Variants in KMO observed in about 807,000 individuals in gnomAD.
KMO encodes kynurenine 3-hydroxylase.
In KMO, 24 loss-of-function variants were observed where a neutral mutation model predicts 57.8. The ratio of observed to expected loss-of-function variants is 0.42; its 90% CI spans 0.30 to 0.58. KMO has a LOEUF of 0.58. Among genes scored for constraint, KMO ranks in the 20% least tolerant of loss-of-function variants. The probability of loss-of-function intolerance (pLI) is 0.22; values close to 1 mark genes in which losing one functional copy is unlikely to be tolerated. For missense variants in KMO, 483 were observed against 588.2 expected (o/e 0.82, Z 1.85); for synonymous variants, 210 against 193.6 (o/e 1.08, Z -0.70).
At position 241,562,340 on chromosome 1, in the gene KMO, C is replaced by A. The variant is rs561982837; in HGVS notation, c.615+8C>A. 1 of 1,613,466 alleles carries A rather than the reference C, an allele frequency of 6.2e-7. No individual in the cohort carries two copies. The highest frequency in any genetic ancestry group is 2.2e-5 in the East Asian group (1 of 44,882). On this transcript the variant is annotated splice_region_variant and intron_variant, in intron 7 of 14. Coordinates refer to ENST00000366559, the MANE Select transcript of KMO (RefSeq NM_003679.5). ...CCACCTAAGAACGGAGATGTAAGTC[C>A]TTGCCCTTTTTCAACCCCTTCCCAC...
chr1:241,565,062 GTA>G lies in KMO; in HGVS notation c.687+7_687+8del, dbSNP rs771292615. On this transcript the variant is annotated splice_donor_5th_base_variant and intron_variant, in intron 8 of 14. Transcript: ENST00000366559. ...GATGATTGCACTTCCTAACATGGTA[GTA>G]TAGAATTTTTTATCAACTGTAATTT... The G allele has an allele frequency of 1.9e-6, 3 of 1,553,314 alleles. No homozygotes were observed. The Admixed American group carries it at 5.1e-5, about 26-fold the overall frequency.
chr1:241,594,300 G>C lies in KMO; in HGVS notation c.*2147G>C, dbSNP rs1010250341. On this transcript the variant is annotated 3_prime_UTR_variant, in exon 15 of 15. Coordinates refer to ENST00000366559, the MANE Select transcript of KMO (RefSeq NM_003679.5). ...AGGCCCAAGAGCATATGGGCAATTCGGATTTCCTGCTGGACCACAAGGTTC... is the reference window on the plus strand; with the variant it reads ...AGGCCCAAGAGCATATGGGCAATTCCGATTTCCTGCTGGACCACAAGGTTC... 2.8e-6 allele frequency: 3 copies of C among 1,064,514 alleles called. No homozygotes were observed. Among genetic ancestry groups the C allele is most frequent in the Non-Finnish European group, 4.1e-6 (3 of 738,972 alleles). The allele number at this position is 1,064,514 out of a possible 1,614,324, so 65.9% of individuals were successfully genotyped here.
chr1:241,591,534 A>G (rs655970), intron 14 of KMO, among the ~76,000 whole-genome samples: 44,627 of 151,996 alleles, frequency 0.29, 6,861 homozygotes, highest in East Asian at 0.42. Flanking sequence ...GTCTCCACAT[A>G]AGTCTTAGTC....
At chr1:241,582,706 A>G (rs1168815595) in intron 10 of KMO, among the ~76,000 whole-genome samples, 1 of 152,164 alleles carries the variant, frequency 6.6e-6, no homozygotes, top group African/African-American at 2.4e-5. Flanking sequence ...CTGCAAGACG[A>G]GTATTTTGAA....
intron 9 of KMO, among the ~76,000 whole-genome samples, chr1:241,566,993 C>T (rs1330585169): frequency 1.3e-5 from 2 of 152,178 alleles, no homozygotes; most frequent in East Asian, 1.9e-4. Flanking sequence ...CCTACACTTA[C>T]TAGACACGTA....
Position 241,592,426 on chromosome 1 carries a change from G to A in KMO, c.*273G>A. 2.4e-6 allele frequency: 1 copy of A among 422,880 alleles called. No homozygotes were observed. The highest frequency in any genetic ancestry group is 4.3e-6 in the Non-Finnish European group (1 of 230,814). The allele number at this position is 422,880 out of a possible 1,614,324, so 26.2% of individuals were successfully genotyped here. On this transcript the variant is annotated 3_prime_UTR_variant, in exon 15 of 15. Transcript: ENST00000366559. The stretch of plus-strand genomic sequence containing the variant: ...AATGACTAAGATCCTTCACTTCTCT[G>A]AAAGTAAGGCCCTAGATGCCTCAGG...
chr1:241,582,507 T>C (rs1662790977), intron 10 of KMO, among the ~76,000 whole-genome samples: 1 of 152,168 alleles, frequency 6.6e-6, no homozygotes, highest in African/African-American at 2.4e-5. Context: ...TAGCCTGTCT[T>C]CCAGCTCACT....
At chr1:241,591,918 G>C in intron 14 of KMO, 35 bp from the exon 15 acceptor site, 1 of 1,550,218 alleles carries the variant, frequency 6.5e-7, no homozygotes, top group Middle Eastern at 1.7e-4. Flanking sequence ...TTTAATCTCT[G>C]GACAAATGAA....
rs779655500 is a variant in KMO at position 241,591,960 on chromosome 1, A to G, written c.1268A>G (p.Asn423Ser). The change falls in exon 15 of 15, where the codon AAC (asparagine) becomes AGC (serine). Residue 423 changes from asparagine to serine, a missense_variant. By Grantham distance (46) the Asn-to-Ser change is conservative. Around this residue, in one of 3 missense-constraint regions of KMO, gnomAD observed 410 missense variants for 492.3 expected, o/e 0.83. Transcript: ENST00000366559. ...QRWHWQKKVINKGLFFLGSLI... is the reference protein window; with the variant it reads ...QRWHWQKKVISKGLFFLGSLI... The stretch of plus-strand genomic sequence containing the variant: ...GTTCTTGCTGTCTTACAGGTGATAA[A>G]CAAAGGACTCTTTTTCTTGGGATCA... 4 of 1,613,464 alleles carry G rather than the reference A, an allele frequency of 2.5e-6. No individual in the cohort carries two copies. The East Asian group carries it at 8.9e-5, about 36-fold the overall frequency.
At chr1:241,561,986 A>C (rs1316546746) in intron 6 of KMO, 181 bp from the exon 7 acceptor site, 1 of 590,212 alleles carries the variant, frequency 1.7e-6, no homozygotes, top group African/African-American at 1.9e-5. Context: ...AAGCAAACTT[A>C]TGACTGGGAC....
chr1:241,544,726 GC>G (rs1421583957), intron 1 of KMO, among the ~76,000 whole-genome samples: 1 of 152,008 alleles, frequency 6.6e-6, no homozygotes, highest in Non-Finnish European at 1.5e-5. Context: ...TGAGCCCAGG[GC>G]TATTTTGCAA....
Position 241,595,433 on chromosome 1 carries a change from C to T in KMO, c.*3280C>T, listed in dbSNP as rs898125362. The stretch of plus-strand genomic sequence containing the variant: ...CTCCTCCACCCAATACATTATTAGA[C>T]TGAACTGTGACCTGAAATGAGCAAT... On this transcript the variant is annotated 3_prime_UTR_variant, in exon 15 of 15. Transcript: ENST00000366559. 1 of 152,194 alleles carries T rather than the reference C, an allele frequency of 6.6e-6. No homozygotes were observed. The highest frequency in any genetic ancestry group is 2.4e-5 in the African/African-American group (1 of 41,442). The allele number at this position is 152,194 out of a possible 1,614,324, so 9.4% of individuals were successfully genotyped here. A position where few individuals can be genotyped will look rare whatever the true frequency, so the allele number is the denominator to read the frequency against.
At chr1:241,558,358 G>A (rs1661715147) in intron 5 of KMO, among the ~76,000 whole-genome samples, 1 of 152,138 alleles carries the variant, frequency 6.6e-6, no homozygotes, top group Middle Eastern at 3.2e-3. Context: ...AAACTTTGTT[G>A]GGCATATAAA....
chr1:241,577,126 T>C (rs866992390), intron 10 of KMO, among the ~76,000 whole-genome samples: 1 of 152,240 alleles, frequency 6.6e-6, no homozygotes, highest in African/African-American at 2.4e-5. Context: ...CTTTAGGAAA[T>C]TTTTCATTCA....
At chr1:241,549,446 T>C (rs1661312521) in intron 2 of KMO, among the ~76,000 whole-genome samples, 1 of 152,114 alleles carries the variant, frequency 6.6e-6, no homozygotes, top group East Asian at 1.9e-4. Flanking sequence ...ACTTAAAAAG[T>C]TTCTTTAATA....
At chr1:241,544,914 AT>A (rs1661088014) in intron 1 of KMO, among the ~76,000 whole-genome samples, 1 of 152,194 alleles carries the variant, frequency 6.6e-6, no homozygotes, top group South Asian at 2.1e-4. Flanking sequence ...CAAATTTTTA[AT>A]GTAAGAAGTG....
chr1:241,590,095 T>C lies in KMO; in HGVS notation c.1182T>C (p.Phe394=). 6.2e-7 allele frequency: 1 copy of C among 1,613,218 alleles called. No homozygotes were observed. ...TTCATGCGATTATGCCATCGACCTT[T>C]ATCCCTCTCTATACAATGGTAAGGT... The part of the protein sequence containing the change: ...RFLHAIMPST[F]IPLYTMVTFS... The change falls in exon 13 of 15, where the codon TTT becomes TTC. Residue 394 remains phenylalanine (F), a synonymous_variant. Transcript: ENST00000366559.
chr1:241,594,620 T>C lies in KMO; in HGVS notation c.*2467T>C. 1 of 1,614,122 alleles carries C rather than the reference T, an allele frequency of 6.2e-7. No individual in the cohort carries two copies. The highest frequency in any genetic ancestry group is 1.7e-4 in the Middle Eastern group (1 of 6,060). On this transcript the variant is annotated 3_prime_UTR_variant, in exon 15 of 15. Coordinates refer to ENST00000366559, the MANE Select transcript of KMO (RefSeq NM_003679.5). ...TGATCTGCATTTCACTTCCAGCTGC[T>C]GGTAGGTCTTTAGCAGGCCTCTGGC... is the stretch of plus-strand genomic sequence containing the variant.
chr1:241,586,215 T>C lies in KMO; in HGVS notation c.958-464T>C, dbSNP rs923165408. ...TCTTTTTTTTTTTTTTTTTTTTTTT[T>C]TGAGACAGGGTCTCGCTCTGTCACC... On this transcript the variant is annotated intron_variant, in intron 10 of 14. Transcript: ENST00000366559. 2.7e-3 allele frequency among the ~76,000 whole-genome samples: 394 copies of C among 146,166 alleles called. 2 individuals are homozygous for C. The highest frequency in any genetic ancestry group is 9.9e-3 in the African/African-American group (385 of 38,764).
Sources: allele counts gnomAD v4.1 joint callset (sites outside exome capture counted in the v4.1 genomes callset), GRCh38; gene constraint gnomAD v4.1.1; regional missense constraint gnomAD v4.1.1; transcripts MANE v1.5; gene names NCBI Gene and HGNC (gene_info 2026-07-23, HGNC 2026-07-21).